JARID2: variants seen among roughly 807,000 people sequenced by gnomAD.
JARID2 encodes protein Jumonji.
In JARID2, 21 loss-of-function variants were observed where a neutral mutation model predicts 125.6. The ratio of observed to expected loss-of-function variants is 0.17; its 90% CI spans 0.12 to 0.24. The LOEUF (loss-of-function observed/expected upper bound fraction) is 0.24, where lower values mean the gene tolerates loss of function less well. JARID2 is among the 10% of genes least tolerant of loss of function. The pLI is 1.00. For synonymous variants in JARID2, 736 were observed against 661.6 expected (o/e 1.11, Z -1.73); for missense variants, 1,303 against 1,639.6 (o/e 0.79, Z 3.55).
intron 3 of JARID2, among the ~76,000 whole-genome samples, chr6:15,411,543 C>CTTTG (rs1385090064): frequency 6.6e-6 from 1 of 152,202 alleles, no homozygotes; most frequent in Non-Finnish European, 1.5e-5. Flanking sequence ...GTGTACTGAG[C>CTTTG]TTTGTATGTC....
intron 6 of JARID2, among the ~76,000 whole-genome samples, chr6:15,489,480 C>T (rs1770044103): frequency 6.6e-6 from 1 of 152,240 alleles, no homozygotes; most frequent in South Asian, 2.1e-4. Context: ...ATACGCCTGT[C>T]ATCTCAGCTG....
At chr6:15,512,128 G>C in intron 13 of JARID2, 80 bp from the exon 14 acceptor site, 1 of 1,185,572 alleles carries the variant, frequency 8.4e-7, no homozygotes, top group African/African-American at 1.5e-5. Flanking sequence ...AGGCCTCTTA[G>C]GGTGCGCATA....
At chr6:15,400,691 C>T (rs966865334) in intron 2 of JARID2, 1 of 505,812 alleles carries the variant, frequency 2.0e-6, no homozygotes, top group African/African-American at 2.1e-5. Flanking sequence ...GGGGAGCCAG[C>T]CGGAGACCCC....
chr6:15,506,378 G>A (rs1024901597), intron 9 of JARID2, among the ~76,000 whole-genome samples: 2 of 152,322 alleles, frequency 1.3e-5, no homozygotes, highest in Non-Finnish European at 2.9e-5. Context: ...CCGCCAGGTC[G>A]GCCCCCTCTT....
At chr6:15,307,503 T>A (rs189358354) in intron 1 of JARID2, among the ~76,000 whole-genome samples, 1 of 152,260 alleles carries the variant, frequency 6.6e-6, no homozygotes, top group East Asian at 1.9e-4. Context: ...ACAGGCGTGA[T>A]CCCAGTTTTG....
chr6:15,362,291 G>C (rs931904509), intron 1 of JARID2, among the ~76,000 whole-genome samples: 1 of 152,154 alleles, frequency 6.6e-6, no homozygotes, highest in African/African-American at 2.4e-5. Context: ...AATACAGAAC[G>C]AACAGCCAGC....
At chr6:15,398,899 C>G (rs1001456037) in intron 2 of JARID2, among the ~76,000 whole-genome samples, 4 of 152,136 alleles carry the variant, frequency 2.6e-5, no homozygotes, top group Non-Finnish European at 5.9e-5. Flanking sequence ...CTCGGCGTTT[C>G]TACTTTTCTT....
chr6:15,521,352 A>T lies in JARID2; in HGVS notation c.*1101A>T, dbSNP rs890463041. On this transcript the variant is annotated 3_prime_UTR_variant, in exon 18 of 18. Coordinates refer to ENST00000341776, the MANE Select transcript of JARID2 (RefSeq NM_004973.4). The stretch of plus-strand genomic sequence containing the variant: ...TAACAAAAAGGAAAAAAGAAAAAAA[A>T]ATCCCATCCCTTTTGTACATATGCC... 6.6e-6 allele frequency: 1 copy of T among 151,662 alleles called. No individual in the cohort carries two copies. The highest frequency in any genetic ancestry group is 6.6e-5 in the Admixed American group (1 of 15,204). The allele number at this position is 151,662 out of a possible 1,614,324, so 9.4% of individuals were successfully genotyped here.
intron 4 of JARID2, among the ~76,000 whole-genome samples, chr6:15,455,320 T>G (rs1371784736): frequency 6.6e-6 from 1 of 152,206 alleles, no homozygotes; most frequent in Non-Finnish European, 1.5e-5. Flanking sequence ...ATGATGATTT[T>G]GTGATACATG....
At position 15,311,535 on chromosome 6, in the gene JARID2, G is replaced by A. The variant is rs1170658800; in HGVS notation, c.46-62582G>A. On this transcript the variant is annotated intron_variant, in intron 1 of 17. Coordinates refer to ENST00000341776, the MANE Select transcript of JARID2 (RefSeq NM_004973.4). ...GGAGTTTGCGGTGAGCCGAGATCGC[G>A]CCATTGTACTCCAGCCTGGGCAACA... Among the ~76,000 whole-genome samples, 5 of 152,140 alleles carry A rather than the reference G, an allele frequency of 3.3e-5. No individual in the cohort carries two copies. The East Asian group carries it at 5.8e-4, about 18-fold the overall frequency.
intron 3 of JARID2, among the ~76,000 whole-genome samples, chr6:15,410,830 C>A (rs1481666943): frequency 2.0e-5 from 3 of 152,134 alleles, no homozygotes; most frequent in African/African-American, 7.2e-5. Flanking sequence ...GCTGTTTTAC[C>A]AAGTTCCAAG....
chr6:15,427,006 C>T (rs1383358761), intron 3 of JARID2, among the ~76,000 whole-genome samples: 1 of 152,162 alleles, frequency 6.6e-6, no homozygotes, highest in Non-Finnish European at 1.5e-5. Flanking sequence ...TCTGGCAACC[C>T]TTTGTGGCTG....
chr6:15,370,339 T>G (rs1262914151), intron 1 of JARID2, among the ~76,000 whole-genome samples: 2 of 150,512 alleles, frequency 1.3e-5, no homozygotes, highest in African/African-American at 2.5e-5. Context: ...TGTTTTTTTT[T>G]TTTTTTTTTT....
At chr6:15,470,170 CTG>C (rs1769003195) in intron 5 of JARID2, among the ~76,000 whole-genome samples, 1 of 104,110 alleles carries the variant, frequency 9.6e-6, no homozygotes, top group Non-Finnish European at 1.9e-5. Flanking sequence ...GAGCGAGACT[CTG>C]TCTCAAAAAA....
chr6:15,449,272 G>A (rs1767813220), intron 3 of JARID2, among the ~76,000 whole-genome samples: 1 of 152,098 alleles, frequency 6.6e-6, no homozygotes, highest in African/African-American at 2.4e-5. Flanking sequence ...TAACACTAGG[G>A]AATTTCTGTT....
At chr6:15,256,801 C>A (rs1051042310) in intron 1 of JARID2, among the ~76,000 whole-genome samples, 12 of 152,208 alleles carry the variant, frequency 7.9e-5, no homozygotes, top group African/African-American at 2.4e-4. Context: ...ATGTCTCTCA[C>A]CCTATTAACC....
rs376740505 is a variant in JARID2 at position 15,415,700 on chromosome 6, C to T, written c.323+5335C>T. 2.3e-3 allele frequency among the ~76,000 whole-genome samples: 346 copies of T among 147,420 alleles called. 1 individual carries two copies. Among genetic ancestry groups the T allele is most frequent in the East Asian group, 6.7e-3 (32 of 4,798 alleles). ...TGGCTGGCCGGGCGGGGGGCTGACC[C>T]CCCCACCTCCTTCCCGGACGGGGCG... is the stretch of plus-strand genomic sequence containing the variant. On this transcript the variant is annotated intron_variant, in intron 3 of 17. Coordinates refer to ENST00000341776, the MANE Select transcript of JARID2 (RefSeq NM_004973.4).
intron 3 of JARID2, among the ~76,000 whole-genome samples, chr6:15,414,402 C>A (rs950814814): frequency 1.3e-5 from 2 of 152,312 alleles, no homozygotes; most frequent in African/African-American, 4.8e-5. Context: ...AGTGCCTTTA[C>A]TTGACACTAG....
At chr6:15,314,566 A>G (rs1705012668) in intron 1 of JARID2, among the ~76,000 whole-genome samples, 1 of 152,238 alleles carries the variant, frequency 6.6e-6, no homozygotes, top group Admixed American at 6.5e-5. Context: ...AGAGCTAGTT[A>G]TAAATCATAC....
Sources: allele counts gnomAD v4.1 joint callset (sites outside exome capture counted in the v4.1 genomes callset), GRCh38; gene constraint gnomAD v4.1.1; transcripts MANE v1.5; gene names NCBI Gene and HGNC (gene_info 2026-07-23, HGNC 2026-07-21).